The following GPC6 variants were observed in gnomAD, a reference collection of about 807,000 sequenced individuals.
GPC6 encodes the protein glypican-6.
Under a neutral mutation model 55.2 loss-of-function variants are expected in GPC6, and 14 were observed. The observed-to-expected ratio is 0.25, with a 90% CI of 0.17 to 0.40. The LOEUF is 0.40. Ranked by LOEUF, GPC6 falls within the 10% of genes least tolerant of loss-of-function variation. The pLI is 1.00. For synonymous variants in GPC6, 278 were observed against 259.6 expected, an observed-to-expected ratio of 1.07 and a Z score of -0.68; for missense variants, 641 against 708.5, an observed-to-expected ratio of 0.90 and a Z score of 1.08.
At chr13:93,956,479 C>CTACTTGTT (rs1410930238) in intron 3 of GPC6, among the ~76,000 whole-genome samples, 2 of 152,180 alleles carry the variant, frequency 1.3e-5, no homozygotes, top group Non-Finnish European at 2.9e-5. Flanking sequence ...CAAACCATGA[C>CTACTTGTT]TACTTGTTTC....
At chr13:94,055,795 T>TA (rs1231449586) in intron 4 of GPC6, among the ~76,000 whole-genome samples, 14 of 151,900 alleles carry the variant, frequency 9.2e-5, no homozygotes, top group South Asian at 2.1e-4. Flanking sequence ...GCCCTTTTCC[T>TA]AAAAAAAACA....
At chr13:93,777,823 G>T (rs925587602) in intron 2 of GPC6, among the ~76,000 whole-genome samples, 1 of 152,020 alleles carries the variant, frequency 6.6e-6, no homozygotes, top group African/African-American at 2.4e-5. Context: ...GTGTCTATTT[G>T]TATATGTATT....
At chr13:93,264,293 A>G (rs1877249949) in intron 1 of GPC6, among the ~76,000 whole-genome samples, 1 of 152,216 alleles carries the variant, frequency 6.6e-6, no homozygotes, top group African/African-American at 2.4e-5. Context: ...ATCCATAGGG[A>G]ATTGGTCCCA....
intron 1 of GPC6, among the ~76,000 whole-genome samples, chr13:93,276,495 A>AGAGTGTGTGT (rs1365006783): frequency 7.4e-5 from 7 of 94,400 alleles, no homozygotes; most frequent in African/African-American, 1.3e-4. Flanking sequence ...AGAGAGAGAG[A>AGAGTGTGTGT]GTGTGTGTGT....
At chr13:93,649,515 T>A (rs1003521592) in intron 2 of GPC6, among the ~76,000 whole-genome samples, 3 of 152,176 alleles carry the variant, frequency 2.0e-5, no homozygotes, top group African/African-American at 7.2e-5. Flanking sequence ...GTATATTTTT[T>A]TCATTTGGAT....
chr13:93,724,355 C>G (rs1354644357), intron 2 of GPC6, among the ~76,000 whole-genome samples: 1 of 152,002 alleles, frequency 6.6e-6, no homozygotes, highest in Non-Finnish European at 1.5e-5. Context: ...TTTACTGTGA[C>G]TCTCAGCAAA....
At chr13:94,382,385 T>G in intron 6 of GPC6, 29 bp from the exon 7 acceptor site, 1 of 1,613,318 alleles carries the variant, frequency 6.2e-7, no homozygotes, top group Non-Finnish European at 8.5e-7. Flanking sequence ...AGCAGAATAC[T>G]CACTTGCTTT....
intron 1 of GPC6, among the ~76,000 whole-genome samples, chr13:93,228,382 C>T (rs113852599): frequency 3.5e-3 from 534 of 152,328 alleles, no homozygotes; most frequent in Non-Finnish European, 5.3e-3. Flanking sequence ...CAGCGAACAG[C>T]CAACTTTAGC....
intron 5 of GPC6, among the ~76,000 whole-genome samples, chr13:94,287,336 G>A (rs1261209801): frequency 2.0e-5 from 3 of 152,192 alleles, no homozygotes; most frequent in African/African-American, 7.2e-5. Context: ...ACTAAAATAT[G>A]TCAGGCAAAG....
chr13:93,464,671 A>C (rs938887553), intron 1 of GPC6, among the ~76,000 whole-genome samples: 12 of 152,148 alleles, frequency 7.9e-5, no homozygotes, highest in Admixed American at 2.6e-4. Context: ...CCTCCAAGTC[A>C]TCTATGAGGG....
chr13:93,819,373 T>G (rs1470841303), intron 2 of GPC6, among the ~76,000 whole-genome samples: 1 of 152,118 alleles, frequency 6.6e-6, no homozygotes, highest in Non-Finnish European at 1.5e-5. Flanking sequence ...TGTGAACAGG[T>G]TAATATATAT....
At chr13:94,278,752 A>G (rs574689961) in intron 4 of GPC6, among the ~76,000 whole-genome samples, 1 of 152,262 alleles carries the variant, frequency 6.6e-6, no homozygotes, top group East Asian at 1.9e-4. Context: ...TGATTTGTAT[A>G]TGTTGAGCCA....
intron 3 of GPC6, among the ~76,000 whole-genome samples, chr13:93,962,486 C>A (rs1025454982): frequency 7.9e-5 from 12 of 152,032 alleles, no homozygotes; most frequent in Admixed American, 2.0e-4. Context: ...AGTTCCTAAC[C>A]CAGTGCCCCA....
intron 2 of GPC6, among the ~76,000 whole-genome samples, chr13:93,546,380 C>G (rs1479548842): frequency 1.3e-5 from 2 of 152,072 alleles, no homozygotes; most frequent in African/African-American, 4.8e-5. Flanking sequence ...GTAAAATGTT[C>G]CATTTTATTG....
At chr13:93,888,810 C>A (rs973853652) in intron 3 of GPC6, among the ~76,000 whole-genome samples, 1 of 151,998 alleles carries the variant, frequency 6.6e-6, no homozygotes. Context: ...GGAAAGAAAC[C>A]AAATTTAATT....
chr13:93,309,586 T>C lies in GPC6; in HGVS notation c.160+81970T>C, dbSNP rs1410693740. On this transcript the variant is annotated intron_variant, in intron 1 of 8. Coordinates refer to ENST00000377047, the MANE Select transcript of GPC6 (RefSeq NM_005708.5). The stretch of plus-strand genomic sequence containing the variant: ...TATAATTGGTAGAGGCAGTTTAAAG[T>C]ATATACACTTTAGTATAAACATAGT... Among the ~76,000 whole-genome samples, 3 of 152,326 alleles carry C rather than the reference T, an allele frequency of 2.0e-5. No individual in the cohort carries two copies. In the East Asian group the frequency reaches 5.8e-4, roughly 29 times the overall value.
At chr13:93,904,636 G>A (rs531530723) in intron 3 of GPC6, among the ~76,000 whole-genome samples, 1 of 152,178 alleles carries the variant, frequency 6.6e-6, no homozygotes, top group South Asian at 2.1e-4. Context: ...TACTAGGGAG[G>A]CTGAACTGGA....
At chr13:94,018,039 T>G (rs1882542954) in intron 3 of GPC6, among the ~76,000 whole-genome samples, 2 of 152,198 alleles carry the variant, frequency 1.3e-5, no homozygotes, top group African/African-American at 4.8e-5. Flanking sequence ...TCATTGAATA[T>G]GATGTTAGCT....
intron 2 of GPC6, among the ~76,000 whole-genome samples, chr13:93,748,266 G>A (rs1255202342): frequency 6.6e-6 from 1 of 152,074 alleles, no homozygotes; most frequent in African/African-American, 2.4e-5. Context: ...ATTTTTAAAT[G>A]CAATCTGAGA....
Sources: gnomAD v4.1 joint callset for allele counts (sites outside exome capture counted in the v4.1 genomes callset) on GRCh38, gnomAD v4.1.1 for gene constraint, MANE v1.5 for transcripts, NCBI Gene and HGNC (gene_info 2026-07-23, HGNC 2026-07-21) for gene names.